The following NKAIN2 variants were observed in gnomAD, a reference collection of about 807,000 sequenced individuals.
The protein encoded by NKAIN2 is sodium/potassium-transporting ATPase subunit beta-1-interacting protein 2.
NKAIN2 carries 14 observed loss-of-function variants against 32.6 expected under a neutral mutation model. The observed-to-expected ratio is 0.43, with a 90% CI of 0.28 to 0.67. NKAIN2 has a LOEUF of 0.67. Ranked by LOEUF, NKAIN2 falls within the 30% of genes least tolerant of loss-of-function variation. The pLI, the probability that NKAIN2 is intolerant of heterozygous loss-of-function variation, is 0.17. For missense variants in NKAIN2, 198 were observed against 258.3 expected (o/e 0.77, Z 1.60); for synonymous variants, 80 against 87.2 (o/e 0.92, Z 0.46).
intron 2 of NKAIN2, among the ~76,000 whole-genome samples, chr6:124,328,460 T>G (rs2115043118): frequency 6.6e-6 from 1 of 152,328 alleles, no homozygotes; most frequent in Non-Finnish European, 1.5e-5. Flanking sequence ...TTCAGGGGTC[T>G]TTCTCTTTGC....
In NKAIN2 at chr6:124,801,373, G is replaced by A. The variant is rs554448719; in HGVS notation, c.535+9974G>A. Among the ~76,000 whole-genome samples, 18 of 152,234 alleles carry A rather than the reference G, an allele frequency of 1.2e-4. 1 individual carries two copies. The South Asian group carries it at 3.7e-3, about 32-fold the overall frequency. The stretch of plus-strand genomic sequence containing the variant: ...AATCATAAAGTTATGAACAATATTA[G>A]TGGTCACCTACTGTAATCCCCCAAT... On this transcript the variant is annotated intron_variant, in intron 5 of 6. Coordinates refer to ENST00000368417, the MANE Select transcript of NKAIN2 (RefSeq NM_001040214.3).
At chr6:124,530,286 G>A (rs1043489485) in intron 3 of NKAIN2, among the ~76,000 whole-genome samples, 1 of 152,114 alleles carries the variant, frequency 6.6e-6, no homozygotes, top group South Asian at 2.1e-4. Flanking sequence ...CCAGAGAAAA[G>A]CCAACATTAT....
chr6:124,126,078 C>T (rs1047506374), intron 1 of NKAIN2, among the ~76,000 whole-genome samples: 2 of 152,098 alleles, frequency 1.3e-5, no homozygotes, highest in South Asian at 2.1e-4. Context: ...GACCCACTGC[C>T]CTTCAATTTT....
chr6:124,227,299 T>C (rs1034404810), intron 1 of NKAIN2, among the ~76,000 whole-genome samples: 1 of 152,120 alleles, frequency 6.6e-6, no homozygotes, highest in African/African-American at 2.4e-5. Flanking sequence ...AGATCCTGTG[T>C]AGCTGAAGCT....
intron 1 of NKAIN2, among the ~76,000 whole-genome samples, chr6:124,068,844 G>A (rs1783312197): frequency 6.6e-6 from 1 of 152,028 alleles, no homozygotes; most frequent in African/African-American, 2.4e-5. Context: ...AAGAAAAGAA[G>A]TCCTTTCCCA....
intron 1 of NKAIN2, among the ~76,000 whole-genome samples, chr6:123,976,964 G>A (rs1273258303): frequency 6.8e-6 from 1 of 147,472 alleles, no homozygotes; most frequent in Non-Finnish European, 1.5e-5. Flanking sequence ...TTTTATCCAG[G>A]TCTAATTTTA....
At chr6:124,714,039 G>A (rs987509847) in intron 4 of NKAIN2, among the ~76,000 whole-genome samples, 1 of 152,166 alleles carries the variant, frequency 6.6e-6, no homozygotes, top group African/African-American at 2.4e-5. Flanking sequence ...TCCTGAATGC[G>A]TCCTTTCTGT....
At chr6:124,038,533 C>T (rs2114803640) in intron 1 of NKAIN2, among the ~76,000 whole-genome samples, 1 of 152,126 alleles carries the variant, frequency 6.6e-6, no homozygotes, top group African/African-American at 2.4e-5. Context: ...GTTTTATTTT[C>T]ACTTGATTGT....
chr6:124,798,555 G>A (rs1362148471), intron 5 of NKAIN2, among the ~76,000 whole-genome samples: 1 of 152,072 alleles, frequency 6.6e-6, no homozygotes, highest in Non-Finnish European at 1.5e-5. Flanking sequence ...CAGAATCCTA[G>A]TGGGGCCAAG....
intron 4 of NKAIN2, among the ~76,000 whole-genome samples, chr6:124,662,522 G>C (rs975070880): frequency 1.3e-5 from 2 of 152,102 alleles, no homozygotes; most frequent in Non-Finnish European, 2.9e-5. Context: ...TGCATGAAAT[G>C]GTAAAAATTA....
At chr6:124,122,766 T>C (rs188940901) in intron 1 of NKAIN2, among the ~76,000 whole-genome samples, 91 of 152,242 alleles carry the variant, frequency 6.0e-4, no homozygotes, top group African/African-American at 1.9e-3. Context: ...TCCAAATTGA[T>C]AAAACTCTTT....
intron 1 of NKAIN2, among the ~76,000 whole-genome samples, chr6:123,861,677 A>G (rs1370225553): frequency 2.0e-5 from 3 of 152,180 alleles, no homozygotes; most frequent in Non-Finnish European, 4.4e-5. Flanking sequence ...TAGTTAGATA[A>G]TTCATTTTAT....
In NKAIN2 at chr6:123,910,499, G is replaced by GTTTTTTTTTTTT. The variant is rs35165515; in HGVS notation, c.54+106257_54+106268dup. On this transcript the variant is annotated intron_variant, in intron 1 of 6. Coordinates refer to ENST00000368417, the MANE Select transcript of NKAIN2 (RefSeq NM_001040214.3). ...TTTGAGGACATTACCTGCAATGCAT[G>GTTTTTTTTTTTT]TTTTTTTTTTTTTTTTTTTTTTTGA... is the stretch of plus-strand genomic sequence containing the variant. Among the ~76,000 whole-genome samples, 4 of 81,314 alleles carry GTTTTTTTTTTTT rather than the reference G, an allele frequency of 4.9e-5. 1 individual carries two copies. The highest frequency in any genetic ancestry group is 3.7e-4 in the East Asian group (1 of 2,724). The allele number at this position is 81,314 out of a possible 152,430, so 53.3% of individuals were successfully genotyped here. A position where few individuals can be genotyped will look rare whatever the true frequency, so the allele number is the denominator to read the frequency against.
intron 4 of NKAIN2, among the ~76,000 whole-genome samples, chr6:124,674,773 G>A (rs1562317982): frequency 6.6e-6 from 1 of 151,536 alleles, no homozygotes; most frequent in Non-Finnish European, 1.5e-5. Flanking sequence ...GTTTGATATG[G>A]GTTTTACAGA....
chr6:124,670,656 TG>T (rs1562316083), intron 4 of NKAIN2, among the ~76,000 whole-genome samples: 9 of 151,400 alleles, frequency 5.9e-5, no homozygotes, highest in Non-Finnish European at 1.2e-4. Flanking sequence ...TGTGTGTGTG[TG>T]TGTGTGTGTG....
At chr6:123,854,281 C>T (rs1183731241) in intron 1 of NKAIN2, among the ~76,000 whole-genome samples, 1 of 152,188 alleles carries the variant, frequency 6.6e-6, no homozygotes, top group Non-Finnish European at 1.5e-5. Flanking sequence ...CTTTTCAACA[C>T]AGGACATAAG....
At chr6:124,621,704 A>G (rs9321003) in intron 3 of NKAIN2, among the ~76,000 whole-genome samples, 15,061 of 152,170 alleles carry the variant, frequency 0.099, 1,146 homozygotes, top group East Asian at 0.42. Context: ...AAAGATTACC[A>G]GTTTGATTGG....
At chr6:124,110,339 T>G (rs143570595) in intron 1 of NKAIN2, among the ~76,000 whole-genome samples, 1 of 152,194 alleles carries the variant, frequency 6.6e-6, no homozygotes, top group Non-Finnish European at 1.5e-5. Flanking sequence ...ATACTCATAA[T>G]AAGGAAAAAT....
intron 3 of NKAIN2, among the ~76,000 whole-genome samples, chr6:124,524,837 ATT>A (rs936207619): frequency 6.6e-6 from 1 of 152,332 alleles, no homozygotes; most frequent in Admixed American, 6.5e-5. Flanking sequence ...ACCATAGGCA[ATT>A]TTGACATTAT....
Sources: allele counts gnomAD v4.1 joint callset (sites outside exome capture counted in the v4.1 genomes callset), GRCh38; gene constraint gnomAD v4.1.1; transcripts MANE v1.5; gene names NCBI Gene and HGNC (gene_info 2026-07-23, HGNC 2026-07-21).